TMEM255A: variants seen among roughly 807,000 people sequenced by gnomAD.
The protein encoded by TMEM255A is family with sequence similarity 70, member A.
A neutral mutation model predicts 23.5 loss-of-function variants in TMEM255A; 14 were observed. The ratio of observed to expected loss-of-function variants is 0.60; its 90% confidence interval spans 0.39 to 0.93. The LOEUF (loss-of-function observed/expected upper bound fraction) is 0.93, where lower values mean the gene tolerates loss of function less well. Among genes scored for constraint, TMEM255A ranks in the 40% least tolerant of loss-of-function variants. The pLI is 0.00. For missense variants in TMEM255A, 233 were observed against 261.7 expected (o/e 0.89, Z 0.76); for synonymous variants, 104 against 100.3 (o/e 1.04, Z -0.22).
At chrX:120,255,643 A>G (rs1414739027), downstream of TMEM255A, 1 of 382,276 alleles carries the variant, frequency 2.6e-6, no homozygotes, top group Non-Finnish European at 4.6e-6. Context: ...GTATCTGTTT[A>G]TATAGTTAGT....
chrX:120,261,517 G>C (rs2057680231), intron 8 of TMEM255A, among the ~76,000 whole-genome samples: 1 of 111,769 alleles, frequency 8.9e-6, no homozygotes, highest in African/African-American at 3.3e-5. Flanking sequence ...CCCTCTCATA[G>C]ACAAGAAACT....
intron 4 of TMEM255A, among the ~76,000 whole-genome samples, chrX:120,290,808 T>G (rs1362802520): frequency 8.9e-6 from 1 of 111,847 alleles, no homozygotes; most frequent in Non-Finnish European, 1.9e-5. Context: ...AATTGTTTCT[T>G]CAGATGCCAT....
chrX:120,310,072 A>G (rs1556027934), intron 1 of TMEM255A: 1 of 110,194 alleles, frequency 9.1e-6, no homozygotes, highest in African/African-American at 3.3e-5. Context: ...TGCCCCCTCC[A>G]CTCGAGATGT....
At chrX:120,311,192 C>T (rs2058098998) in intron 1 of TMEM255A, 60 bp downstream of exon 1, 1 of 1,038,187 alleles carries the variant, frequency 9.6e-7, no homozygotes, top group East Asian at 3.3e-5. Context: ...GTTCACAGTC[C>T]AGAGGCCAGG....
At chrX:120,280,864 G>A (rs1390348650) in intron 6 of TMEM255A, among the ~76,000 whole-genome samples, 7 of 108,776 alleles carry the variant, frequency 6.4e-5, no homozygotes, top group Admixed American at 9.8e-5. Context: ...CCCCTGCATT[G>A]AAGGTATTGC....
At chrX:120,295,301 T>C (rs1423629042) in intron 2 of TMEM255A, among the ~76,000 whole-genome samples, 2 of 111,489 alleles carry the variant, frequency 1.8e-5, no homozygotes, top group Non-Finnish European at 3.8e-5. Flanking sequence ...GGACATCTAT[T>C]TCAATTTGAG....
intron 2 of TMEM255A, among the ~76,000 whole-genome samples, chrX:120,302,348 CTAAA>C (rs1450948627): frequency 9.0e-6 from 1 of 111,262 alleles, no homozygotes; most frequent in East Asian, 2.8e-4. Flanking sequence ...CACAGAGACT[CTAAA>C]TCTTGGCTTC....
downstream of TMEM255A, chrX:120,254,533 A>G: frequency 8.3e-7 from 1 of 1,211,733 alleles, no homozygotes; most frequent in Non-Finnish European, 1.1e-6. Flanking sequence ...TCATTAATAC[A>G]GAAGATGCAG....
chrX:120,289,218 G>C (rs2057897446), intron 4 of TMEM255A, among the ~76,000 whole-genome samples: 1 of 111,601 alleles, frequency 9.0e-6, no homozygotes, highest in Non-Finnish European at 1.9e-5. Context: ...AATGTCTTAG[G>C]GCAGGTATAG....
At chrX:120,294,287 A>C in intron 2 of TMEM255A, among the ~76,000 whole-genome samples, 1 of 108,124 alleles carries the variant, frequency 9.2e-6, no homozygotes, top group Middle Eastern at 4.7e-3. Flanking sequence ...ACAAAAAATT[A>C]GCCGGGCGTA....
At chrX:120,274,470 G>A (rs1556019390) in intron 7 of TMEM255A, among the ~76,000 whole-genome samples, 1 of 111,626 alleles carries the variant, frequency 9.0e-6, no homozygotes, top group African/African-American at 3.3e-5. Context: ...CTAAAGCTAA[G>A]GCTAAAAGCT....
chrX:120,265,717 C>A (rs1312097421), intron 8 of TMEM255A, among the ~76,000 whole-genome samples: 1 of 111,896 alleles, frequency 8.9e-6, no homozygotes, highest in East Asian at 2.8e-4. Context: ...ATGATTCAGT[C>A]ATCTTATCTT....
intron 7 of TMEM255A, among the ~76,000 whole-genome samples, chrX:120,276,388 G>T (rs1408318141): frequency 8.9e-6 from 1 of 111,986 alleles, no homozygotes. Flanking sequence ...CCTAGAGCTG[G>T]CTCTGCGAAT....
At chrX:120,264,079 G>C (rs1198249095) in intron 8 of TMEM255A, among the ~76,000 whole-genome samples, 1 of 111,755 alleles carries the variant, frequency 8.9e-6, no homozygotes, top group African/African-American at 3.3e-5. Context: ...AAATGGATAG[G>C]AAAGGGACCA....
At chrX:120,283,273 G>C (rs1450186318) in intron 6 of TMEM255A, among the ~76,000 whole-genome samples, 2 of 110,886 alleles carry the variant, frequency 1.8e-5, no homozygotes, top group African/African-American at 6.6e-5. Flanking sequence ...GAACTCCCCA[G>C]ATAATCCCTA....
At chrX:120,275,784 A>ATTTTTTTTTT (rs11342181) in intron 7 of TMEM255A, among the ~76,000 whole-genome samples, 14 of 60,250 alleles carry the variant, frequency 2.3e-4, no homozygotes, top group African/African-American at 8.5e-4. Flanking sequence ...GAGCCCAAGC[A>ATTTTTTTTTT]TTTTTTTTTT....
In TMEM255A at chrX:120,268,288, G is replaced by T. The variant is rs1556017953; in HGVS notation, c.775C>A (p.His259Asn). Residue 259 changes from histidine to asparagine, a missense_variant, in exon 8 of 9, where the codon CAT (histidine) becomes AAT (asparagine). His to Asn is a moderately conservative substitution (Grantham distance 68). Coordinates refer to ENST00000371369, the MANE Select transcript of TMEM255A (RefSeq NM_001104544.3). ...TATGGTGGCAGGTGAGGAGGGCTAT[G>T]GTAGTAGGTATTGTAGGATGCCACT... ...PQVASYNTYYHSPPHLPPYSA... is the reference protein window; with the variant it reads ...PQVASYNTYYNSPPHLPPYSA... The T allele has an allele frequency of 8.3e-7, 1 of 1,207,327 alleles. No individual in the cohort carries two copies. Among genetic ancestry groups the T allele is most frequent in the Non-Finnish European group, 1.1e-6 (1 of 893,140 alleles).
intron 4 of TMEM255A, among the ~76,000 whole-genome samples, chrX:120,288,463 A>T (rs1433903051): frequency 8.9e-6 from 1 of 112,198 alleles, no homozygotes; most frequent in Non-Finnish European, 1.9e-5. Context: ...TAATTATCAT[A>T]ATTATCCTGC....
chrX:120,251,757 G>A, the TMEM255A span, among the ~76,000 whole-genome samples: 1 of 112,311 alleles, frequency 8.9e-6, no homozygotes, highest in Non-Finnish European at 1.9e-5. Context: ...GCATATCTTC[G>A]GAGTGGGTTC....
Sources: allele counts gnomAD v4.1 joint callset (sites outside exome capture counted in the v4.1 genomes callset), GRCh38; gene constraint gnomAD v4.1.1; transcripts MANE v1.5; gene names NCBI Gene and HGNC (gene_info 2026-07-23, HGNC 2026-07-21).